The following SYCP2L variants were observed in gnomAD, a reference collection of about 807,000 sequenced individuals.
SYCP2L encodes synaptonemal complex protein 2 like, also known as synaptonemal complex protein 2-like.
A neutral mutation model predicts 125.8 loss-of-function variants in SYCP2L; 98 were observed. That is an observed-to-expected ratio of 0.78 (90% CI 0.66 to 0.92). The LOEUF is 0.92. Ranked by LOEUF, SYCP2L falls within the 40% of genes least tolerant of loss-of-function variation. SYCP2L has a pLI of 0.00. For synonymous variants in SYCP2L, 317 were observed against 325.4 expected (o/e 0.97, Z 0.28); for missense variants, 842 against 936.4 (o/e 0.90, Z 1.32).
intron 17 of SYCP2L, among the ~76,000 whole-genome samples, chr6:10,927,652 G>A (rs62395416): frequency 0.014 from 1,894 of 137,694 alleles, no homozygotes; most frequent in East Asian, 0.028. Context: ...CCACAGGACC[G>A]GGGCGAAATT....
intron 29 of SYCP2L, among the ~76,000 whole-genome samples, chr6:10,972,389 A>T (rs1199708080): frequency 6.6e-6 from 1 of 152,254 alleles, no homozygotes; most frequent in Non-Finnish European, 1.5e-5. Flanking sequence ...TGCATGTTAC[A>T]TTTGGTCACA....
rs1781818709 is a variant in SYCP2L, at chr6:10,974,024, C to A, written c.*110C>A. Reference sequence around the variant, plus strand: ...CAGGCCTTGTTAGCCAGACTTCGTGCTCTGTACGCATTCAATTTCCTCCCC... The same window carrying A: ...CAGGCCTTGTTAGCCAGACTTCGTGATCTGTACGCATTCAATTTCCTCCCC... On this transcript the variant is annotated 3_prime_UTR_variant, in exon 30 of 30. Coordinates refer to ENST00000283141, the MANE Select transcript of SYCP2L (RefSeq NM_001040274.3). The A allele has an allele frequency of 6.6e-6, 1 of 152,264 alleles. No individual in the cohort carries two copies. Among genetic ancestry groups the A allele is most frequent in the African/African-American group, 2.4e-5 (1 of 41,460 alleles). The allele number at this position is 152,264 out of a possible 1,614,324, so 9.4% of individuals were successfully genotyped here.
intron 29 of SYCP2L, among the ~76,000 whole-genome samples, chr6:10,970,223 G>A (rs1781748296): frequency 1.3e-5 from 2 of 152,132 alleles, no homozygotes; most frequent in Admixed American, 1.3e-4. Context: ...GACTGAGGAA[G>A]CCCATTTCAG....
chr6:10,888,915 G>A (rs1019667784), intron 1 of SYCP2L, among the ~76,000 whole-genome samples: 2 of 152,010 alleles, frequency 1.3e-5, no homozygotes, highest in Admixed American at 6.5e-5. Flanking sequence ...AGGCTGGAGC[G>A]CAGTGGCTGG....
intron 20 of SYCP2L, among the ~76,000 whole-genome samples, chr6:10,931,732 A>G (rs113956556): frequency 0.028 from 4,278 of 152,284 alleles, 208 homozygotes; most frequent in African/African-American, 0.095. Flanking sequence ...TGGGATGCCA[A>G]GGCGGGTGGA....
chr6:10,942,289 T>G (rs543153594), intron 21 of SYCP2L, among the ~76,000 whole-genome samples, 170 bp from the exon 22 acceptor site: 1 of 152,318 alleles, frequency 6.6e-6, no homozygotes, highest in East Asian at 1.9e-4. Flanking sequence ...AACTTAAAAG[T>G]ATAATAAAAA....
intron 26 of SYCP2L, among the ~76,000 whole-genome samples, chr6:10,960,650 G>GAATGCC (rs1781577997): frequency 6.6e-6 from 1 of 152,142 alleles, no homozygotes; most frequent in Non-Finnish European, 1.5e-5. Context: ...TTCAGGGCCA[G>GAATGCC]CTTAATGCAA....
intron 21 of SYCP2L, among the ~76,000 whole-genome samples, chr6:10,941,456 G>GA (rs985414546): frequency 6.6e-6 from 1 of 151,910 alleles, no homozygotes; most frequent in Non-Finnish European, 1.5e-5. Flanking sequence ...AAATTTACAA[G>GA]AAAAAAACAA....
intron 10 of SYCP2L, among the ~76,000 whole-genome samples, chr6:10,907,892 GTTT>G (rs551103839): frequency 2.1e-4 from 19 of 91,922 alleles, no homozygotes; most frequent in East Asian, 7.1e-4. Context: ...ATACAGATAG[GTTT>G]TTTTTTTTTT....
At chr6:10,904,038 A>T (rs1561682344) in intron 8 of SYCP2L, among the ~76,000 whole-genome samples, 1 of 152,180 alleles carries the variant, frequency 6.6e-6, no homozygotes, top group Non-Finnish European at 1.5e-5. Flanking sequence ...TTTGCCTGTA[A>T]AATGGAGTCA....
At chr6:10,892,297 A>G (rs563674236) in intron 2 of SYCP2L, among the ~76,000 whole-genome samples, 1 of 152,322 alleles carries the variant, frequency 6.6e-6, no homozygotes, top group East Asian at 1.9e-4. Context: ...AGAGGAAGCC[A>G]TGGCAAAGTT....
chr6:10,911,893 G>GTTTTTTTTTTTT (rs1561684857), intron 12 of SYCP2L, among the ~76,000 whole-genome samples: 1 of 91,122 alleles, frequency 1.1e-5, no homozygotes, highest in Non-Finnish European at 2.0e-5. Flanking sequence ...GGGAATAAAA[G>GTTTTTTTTTTTT]CTTTTTTTTT....
chr6:10,935,179 A>G lies in SYCP2L; in HGVS notation c.1805A>G (p.Gln602Arg), dbSNP rs200923943. The G allele has an allele frequency of 2.3e-4, 368 of 1,611,748 alleles. 1 individual carries two copies. Among genetic ancestry groups the G allele is most frequent in the Non-Finnish European group, 2.9e-4 (344 of 1,179,398 alleles). The change falls in exon 21 of 30, where the codon CAG becomes CGG. Residue 602 changes from glutamine (Q) to arginine (R), a missense_variant. Coordinates refer to ENST00000283141, the MANE Select transcript of SYCP2L (RefSeq NM_001040274.3). ...TTTTTGACTGCTGAAGATTCTGCCCAGAAAACAGGTACATGATTTTCTGTT... is the reference window on the plus strand; with the variant it reads ...TTTTTGACTGCTGAAGATTCTGCCCGGAAAACAGGTACATGATTTTCTGTT... ...FAFLTAEDSA[Q>R]KTELQDPHSL...
In SYCP2L at chr6:10,902,918, A is replaced by T. The variant is rs542793014; in HGVS notation, c.596A>T (p.Glu199Val). The T allele has an allele frequency of 1.9e-6, 3 of 1,614,208 alleles. No individual in the cohort carries two copies. The South Asian group carries it at 3.3e-5, about 18-fold the overall frequency. Reference sequence around the variant, plus strand: ...TGCATTTTGCACGCTGTCCCTCGAGAAGAGAGAAAAAAATTCCCTTTGTCA... The same window carrying T: ...TGCATTTTGCACGCTGTCCCTCGAGTAGAGAGAAAAAAATTCCCTTTGTCA... ...FNCILHAVPREERKKFPLSEG... is the reference protein window; with the variant it reads ...FNCILHAVPRVERKKFPLSEG... The change falls in exon 8 of 30, where the codon GAA becomes GTA. Residue 199 changes from glutamate (E) to valine (V), a missense_variant. Physicochemically the swap from Glu to Val is moderately radical, Grantham distance 121 (BLOSUM62 -2). Transcript: ENST00000283141.
rs70991066 is a variant in SYCP2L, at chr6:10,888,066, CTTTTT to C, written c.9+975_9+979del. ...AATCCTTCCATATAGGTGTTACCATCTTTTTTTTTTTTTTTTTTTTTTTTTTTTTT... is the reference window on the plus strand; with the variant it reads ...AATCCTTCCATATAGGTGTTACCATCTTTTTTTTTTTTTTTTTTTTTTTTT... On this transcript the variant is annotated intron_variant, in intron 1 of 29. Transcript: ENST00000283141. Among the ~76,000 whole-genome samples, 7 of 74,354 alleles carry C rather than the reference CTTTTT, an allele frequency of 9.4e-5. 1 individual carries two copies. The highest frequency in any genetic ancestry group is 1.0e-4 in the Non-Finnish European group (4 of 39,302). The allele number at this position is 74,354 out of a possible 152,430, so 48.8% of individuals were successfully genotyped here. A position where few individuals can be genotyped will look rare whatever the true frequency, so the allele number is the denominator to read the frequency against.
chr6:10,918,702 A>G (rs1780732399), intron 14 of SYCP2L, among the ~76,000 whole-genome samples: 1 of 151,768 alleles, frequency 6.6e-6, no homozygotes, highest in African/African-American at 2.4e-5. Flanking sequence ...ATACCCAGCT[A>G]ATTTTTGTAT....
intron 6 of SYCP2L, among the ~76,000 whole-genome samples, chr6:10,900,653 G>A (rs1273852842): frequency 4.0e-5 from 6 of 151,824 alleles, no homozygotes. Context: ...GCGCCTAGAC[G>A]GAGCCAGAGC....
intron 1 of SYCP2L, among the ~76,000 whole-genome samples, chr6:10,888,497 A>G (rs895744117): frequency 6.6e-6 from 1 of 152,142 alleles, no homozygotes; most frequent in Non-Finnish European, 1.5e-5. Flanking sequence ...GTTCCTACCC[A>G]CAAAAGCTGC....
intron 17 of SYCP2L, 35 bp from the exon 18 acceptor site, chr6:10,928,368 A>G (rs904519803): frequency 1.5e-5 from 16 of 1,052,956 alleles, no homozygotes; most frequent in Admixed American, 3.9e-5. Flanking sequence ...ATAAATGTCT[A>G]TGAAATCTTC....
Sources: allele counts gnomAD v4.1 joint callset (sites outside exome capture counted in the v4.1 genomes callset), GRCh38; gene constraint gnomAD v4.1.1; transcripts MANE v1.5; gene names NCBI Gene and HGNC (gene_info 2026-07-23, HGNC 2026-07-21).